ASCC3: variants seen among roughly 807,000 people sequenced by gnomAD.
The protein encoded by ASCC3 is ASC-1 complex subunit P200.
ASCC3 carries 158 observed loss-of-function variants against 256.3 expected under a neutral mutation model. The ratio of observed to expected loss-of-function variants is 0.62; its 90% CI spans 0.54 to 0.70. The LOEUF (loss-of-function observed/expected upper bound fraction) is 0.70, where lower values mean the gene tolerates loss of function less well. Ranked by LOEUF, ASCC3 falls within the 30% of genes least tolerant of loss-of-function variation. ASCC3 has a pLI of 0.00. For missense variants in ASCC3, 2,259 were observed against 2,626.0 expected (o/e 0.86, Z 3.05); for synonymous variants, 948 against 883.4 (o/e 1.07, Z -1.30).
Position 100,559,407 on chromosome 6 carries a change from T to C in ASCC3, c.5551-19020A>G, listed in dbSNP as rs534154936. On this transcript the variant is annotated intron_variant, in intron 36 of 41. Coordinates refer to ENST00000369162, the MANE Select transcript of ASCC3 (RefSeq NM_006828.4). Reference sequence around the variant, plus strand: ...AAAACCCACAAAAGAAAAATAACCATTAGCGGACCACATTTTGCTACCCAA... The same window carrying C: ...AAAACCCACAAAAGAAAAATAACCACTAGCGGACCACATTTTGCTACCCAA... 6.6e-5 allele frequency among the ~76,000 whole-genome samples: 10 copies of C among 152,082 alleles called. No homozygotes were observed. In the South Asian group the frequency reaches 2.1e-3, roughly 31 times the overall value.
chr6:100,541,221 T>C (rs896492355), intron 36 of ASCC3, among the ~76,000 whole-genome samples: 3 of 151,952 alleles, frequency 2.0e-5, no homozygotes, highest in Non-Finnish European at 2.9e-5. Flanking sequence ...ATAGCATTAA[T>C]TGGATATGTT....
Position 100,618,621 on chromosome 6 carries a change from C to T in ASCC3, c.4785+6571G>A, listed in dbSNP as rs1450124065. ...CTTCCTTTTCCTCACGAAGGCCCAG[C>T]TATTGCTACTGCTCAGTGCCTAATA... On this transcript the variant is annotated intron_variant, in intron 30 of 41. Coordinates refer to ENST00000369162, the MANE Select transcript of ASCC3 (RefSeq NM_006828.4). Among the ~76,000 whole-genome samples, 5 of 152,278 alleles carry T rather than the reference C, an allele frequency of 3.3e-5. No homozygotes were observed. The East Asian group carries it at 7.7e-4, about 24-fold the overall frequency.
chr6:100,547,913 G>A (rs1245935863), intron 36 of ASCC3, among the ~76,000 whole-genome samples: 1 of 151,792 alleles, frequency 6.6e-6, no homozygotes, highest in Admixed American at 6.6e-5. Context: ...CCATCAACAG[G>A]TGAGAAGGTA....
intron 17 of ASCC3, among the ~76,000 whole-genome samples, chr6:100,654,104 G>A (rs1008095629): frequency 6.6e-6 from 1 of 152,030 alleles, no homozygotes; most frequent in East Asian, 1.9e-4. Context: ...GGAGTCAAGA[G>A]TTACATCAGC....
At chr6:100,710,915 C>T (rs1208549673) in intron 13 of ASCC3, among the ~76,000 whole-genome samples, 2 of 151,940 alleles carry the variant, frequency 1.3e-5, no homozygotes, top group African/African-American at 2.4e-5. Context: ...GGCTAAGCAA[C>T]CCGTAGCTTC....
chr6:100,700,238 G>A (rs1212692008), intron 13 of ASCC3, among the ~76,000 whole-genome samples: 3 of 152,022 alleles, frequency 2.0e-5, no homozygotes, highest in Non-Finnish European at 4.4e-5. Context: ...CATCCCAGCT[G>A]CTCCAGCTAT....
At chr6:100,846,002 T>C (rs1044673138) in intron 4 of ASCC3, among the ~76,000 whole-genome samples, 1 of 152,144 alleles carries the variant, frequency 6.6e-6, no homozygotes. Flanking sequence ...GCATGCTACA[T>C]AAATATTCCT....
chr6:100,876,771 CT>C (rs1450818715), intron 1 of ASCC3, among the ~76,000 whole-genome samples: 2 of 152,084 alleles, frequency 1.3e-5, no homozygotes, highest in Non-Finnish European at 2.9e-5. Context: ...AATATAATTT[CT>C]AAAGGATTGA....
At chr6:100,815,187 A>T (rs1770680318) in intron 4 of ASCC3, among the ~76,000 whole-genome samples, 1 of 152,200 alleles carries the variant, frequency 6.6e-6, no homozygotes, top group Non-Finnish European at 1.5e-5. Flanking sequence ...AAAATAAAAT[A>T]TCTAGAAATA....
chr6:100,734,546 G>A (rs1780056619), intron 10 of ASCC3, among the ~76,000 whole-genome samples: 1 of 152,134 alleles, frequency 6.6e-6, no homozygotes, highest in South Asian at 2.1e-4. Flanking sequence ...AGATTAAAAC[G>A]GTACTTACCT....
chr6:100,773,716 C>T (rs990789833), intron 8 of ASCC3, among the ~76,000 whole-genome samples: 2 of 152,006 alleles, frequency 1.3e-5, no homozygotes, highest in Non-Finnish European at 2.9e-5. Context: ...TACTCCAGTA[C>T]CTAATCAATT....
intron 13 of ASCC3, chr6:100,715,227 TA>T (rs1291814079): frequency 2.6e-6 from 1 of 383,204 alleles, no homozygotes; most frequent in Non-Finnish European, 4.6e-6. Flanking sequence ...TATTTAAAAT[TA>T]AAAATGGCAA....
intron 36 of ASCC3, among the ~76,000 whole-genome samples, chr6:100,542,097 A>G (rs568940230): frequency 1.3e-5 from 2 of 152,208 alleles, no homozygotes; most frequent in Non-Finnish European, 2.9e-5. Flanking sequence ...AAGGAAGGGC[A>G]GAAAAAAGTT....
chr6:100,633,954 C>T (rs1774696888), intron 25 of ASCC3, among the ~76,000 whole-genome samples: 1 of 151,532 alleles, frequency 6.6e-6, no homozygotes, highest in Non-Finnish European at 1.5e-5. Flanking sequence ...GGCCACAGTA[C>T]ACGATAAGTG....
Position 100,518,007 on chromosome 6 carries a change from G to A in ASCC3, c.5911C>T (p.His1971Tyr). 1 of 1,613,346 alleles carries A rather than the reference G, an allele frequency of 6.2e-7. No individual in the cohort carries two copies. Among genetic ancestry groups the A allele is most frequent in the Non-Finnish European group, 8.5e-7 (1 of 1,179,476 alleles). ...LLTLPNIENHHLHLFKKWKPI... is the reference protein window; with the variant it reads ...LLTLPNIENHYLHLFKKWKPI... ...AACAATTACTTGAAAAGGTGAAGAT[G>A]ATGGTTTTCTATGTTTGGTAGTGTA... The change falls in exon 38 of 42, where the codon CAT (histidine) becomes TAT (tyrosine). Residue 1971 changes from histidine to tyrosine, a missense_variant. His to Tyr is a moderately conservative substitution (Grantham distance 83). Around this residue, in one of 2 missense-constraint regions of ASCC3, gnomAD observed 1,839 missense variants for 2,206.7 expected, o/e 0.83. Coordinates refer to ENST00000369162, the MANE Select transcript of ASCC3 (RefSeq NM_006828.4).
At chr6:100,544,021 T>C (rs1403926362) in intron 36 of ASCC3, among the ~76,000 whole-genome samples, 1 of 152,014 alleles carries the variant, frequency 6.6e-6, no homozygotes, top group Non-Finnish European at 1.5e-5. Context: ...GACAGACAGA[T>C]CTCTGGAAAA....
Position 100,710,944 on chromosome 6 carries a change from G to A in ASCC3, c.2151+4518C>T, listed in dbSNP as rs571173988. On this transcript the variant is annotated intron_variant, in intron 13 of 41. Coordinates refer to ENST00000369162, the MANE Select transcript of ASCC3 (RefSeq NM_006828.4). ...TAGCTTCTAAAGCCTCAAAATAGCT[G>A]TGGTACTGGCAGTAATAGCATTATT... is the stretch of plus-strand genomic sequence containing the variant. Among the ~76,000 whole-genome samples, 174 of 152,190 alleles carry A rather than the reference G, an allele frequency of 1.1e-3. 1 individual carries two copies. Among genetic ancestry groups the A allele is most frequent in the African/African-American group, 3.9e-3 (163 of 41,536 alleles).
intron 36 of ASCC3, among the ~76,000 whole-genome samples, chr6:100,574,069 A>G (rs570966544): frequency 1.3e-5 from 2 of 152,240 alleles, no homozygotes; most frequent in East Asian, 3.9e-4. Context: ...AATGGCACAC[A>G]GAACTAGATA....
intron 8 of ASCC3, among the ~76,000 whole-genome samples, chr6:100,781,663 CA>C (rs1314456769): frequency 1.1e-4 from 16 of 151,536 alleles, no homozygotes; most frequent in African/African-American, 3.6e-4. Context: ...GCTGGGATTA[CA>C]GGTGTGAGCC....
Sources: gnomAD v4.1 joint callset for allele counts (sites outside exome capture counted in the v4.1 genomes callset) on GRCh38, gnomAD v4.1.1 for gene constraint, gnomAD v4.1.1 regional missense constraint, MANE v1.5 for transcripts, NCBI Gene and HGNC (gene_info 2026-07-23, HGNC 2026-07-21) for gene names.